The following ZNF804B variants were observed in gnomAD, a reference collection of about 807,000 sequenced individuals.
The protein encoded by ZNF804B is zinc finger protein 804B.
Under a neutral mutation model 101.4 loss-of-function variants are expected in ZNF804B, and 80 were observed. That is an observed-to-expected ratio of 0.79 (90% CI 0.66 to 0.95). The LOEUF is 0.95. Ranked by LOEUF, ZNF804B falls within the 40% of genes least tolerant of loss-of-function variation. The pLI is 0.00. For missense variants in ZNF804B, 1,673 were observed against 1,561.9 expected, an observed-to-expected ratio of 1.07 and a Z score of -1.20; for synonymous variants, 622 against 558.8, an observed-to-expected ratio of 1.11 and a Z score of -1.59.
chr7:88,859,580 T>G (rs913385072), intron 1 of ZNF804B, among the ~76,000 whole-genome samples: 1 of 152,076 alleles, frequency 6.6e-6, no homozygotes, highest in African/African-American at 2.4e-5. Flanking sequence ...CACCATAATT[T>G]ACAGACATAA....
At chr7:89,068,899 T>C (rs1046634043) in intron 1 of ZNF804B, among the ~76,000 whole-genome samples, 5 of 152,120 alleles carry the variant, frequency 3.3e-5, no homozygotes, top group African/African-American at 1.2e-4. Flanking sequence ...TTAGAAACAG[T>C]CTTCAAGGCT....
intron 1 of ZNF804B, among the ~76,000 whole-genome samples, chr7:89,147,678 G>C (rs1387522957): frequency 6.6e-6 from 1 of 151,924 alleles, no homozygotes; most frequent in Non-Finnish European, 1.5e-5. Context: ...ACTCTGCATG[G>C]CTCACATTAC....
intron 1 of ZNF804B, among the ~76,000 whole-genome samples, chr7:89,133,002 C>T (rs1790575763): frequency 6.6e-6 from 1 of 152,020 alleles, no homozygotes; most frequent in African/African-American, 2.4e-5. Flanking sequence ...GGCCTATGCA[C>T]CAGTGTTTTT....
intron 1 of ZNF804B, among the ~76,000 whole-genome samples, chr7:88,877,048 TA>T (rs1333035850): frequency 0.028 from 1,065 of 37,734 alleles, 132 homozygotes; most frequent in Non-Finnish European, 0.038. Context: ...TATATATATA[TA>T]TTTTTTTTTT....
intron 1 of ZNF804B, among the ~76,000 whole-genome samples, chr7:89,208,272 C>T (rs892765390): frequency 2.0e-5 from 3 of 151,952 alleles, no homozygotes; most frequent in African/African-American, 4.8e-5. Flanking sequence ...TTAATAGAGA[C>T]GGTGTTTCAC....
intron 1 of ZNF804B, among the ~76,000 whole-genome samples, chr7:88,971,278 C>A (rs1049514786): frequency 2.6e-5 from 4 of 151,594 alleles, no homozygotes; most frequent in African/African-American, 7.3e-5. Context: ...TTGCTGCATA[C>A]TATATAAGTC....
At chr7:88,952,644 T>G (rs1023147294) in intron 1 of ZNF804B, among the ~76,000 whole-genome samples, 15 of 151,740 alleles carry the variant, frequency 9.9e-5, no homozygotes, top group Non-Finnish European at 5.9e-5. Context: ...TTCTTAATGA[T>G]CAAAATAAAA....
At chr7:89,260,347 C>CT (rs35480671) in intron 2 of ZNF804B, among the ~76,000 whole-genome samples, 20,393 of 149,328 alleles carry the variant, frequency 0.14, 1,510 homozygotes, top group Middle Eastern at 0.27. Context: ...CTTTGTGGCA[C>CT]TTTTTTTTTT....
At chr7:88,889,140 T>C (rs1193883589) in intron 1 of ZNF804B, among the ~76,000 whole-genome samples, 1 of 152,202 alleles carries the variant, frequency 6.6e-6, no homozygotes, top group Non-Finnish European at 1.5e-5. Context: ...TATGACTACA[T>C]AGTATTCTTC....
At chr7:89,280,328 C>CT (rs898473769) in intron 2 of ZNF804B, among the ~76,000 whole-genome samples, 71 of 151,884 alleles carry the variant, frequency 4.7e-4, no homozygotes, top group African/African-American at 1.7e-3. Flanking sequence ...AATTGACACT[C>CT]TAACATCACA....
At chr7:89,117,756 A>G (rs1790332496) in intron 1 of ZNF804B, among the ~76,000 whole-genome samples, 1 of 152,184 alleles carries the variant, frequency 6.6e-6, no homozygotes, top group South Asian at 2.1e-4. Flanking sequence ...AACTATTGAA[A>G]AATAAGTTTT....
chr7:88,981,422 G>T (rs186572821), intron 1 of ZNF804B, among the ~76,000 whole-genome samples: 25 of 152,130 alleles, frequency 1.6e-4, no homozygotes, highest in Middle Eastern at 3.4e-3. Context: ...CAGGTGGAAG[G>T]AAGGAATCTC....
At chr7:88,854,524 T>TCCCTTCCCTTC (rs1554340240) in intron 1 of ZNF804B, among the ~76,000 whole-genome samples, 3 of 66,132 alleles carry the variant, frequency 4.5e-5, no homozygotes, top group South Asian at 1.2e-3. Context: ...TTCCTTTCCT[T>TCCCTTCCCTTC]CCTTTCCTTC....
intron 1 of ZNF804B, among the ~76,000 whole-genome samples, chr7:89,092,583 G>T (rs1229800792): frequency 6.6e-6 from 1 of 151,216 alleles, no homozygotes; most frequent in Non-Finnish European, 1.5e-5. Context: ...CAGCTAATTT[G>T]TGCATTTTTA....
chr7:88,920,245 G>A (rs962256959), intron 1 of ZNF804B, among the ~76,000 whole-genome samples: 2 of 152,006 alleles, frequency 1.3e-5, no homozygotes, highest in African/African-American at 4.8e-5. Flanking sequence ...GTTATTCAAA[G>A]TAAATTAACT....
chr7:88,805,554 T>C lies in ZNF804B; in HGVS notation c.108+45470T>C, dbSNP rs1028490046. 2.1e-4 allele frequency among the ~76,000 whole-genome samples: 32 copies of C among 152,296 alleles called. 1 individual carries two copies. The Middle Eastern group carries it at 0.01, about 49-fold the overall frequency. On this transcript the variant is annotated intron_variant, in intron 1 of 3. Coordinates refer to ENST00000333190, the MANE Select transcript of ZNF804B (RefSeq NM_181646.5). ...TACTAACACTAGCAGTTGTGGACAA[T>C]TGAGAGACTTATGTATCACTGTTTT...
intron 1 of ZNF804B, among the ~76,000 whole-genome samples, chr7:88,920,704 T>C (rs1211956539): frequency 2.0e-5 from 3 of 152,052 alleles, no homozygotes; most frequent in Non-Finnish European, 2.9e-5. Flanking sequence ...TCACTAGATT[T>C]TGATGATTTA....
At chr7:88,776,791 C>G (rs985351189) in intron 1 of ZNF804B, among the ~76,000 whole-genome samples, 5 of 100,124 alleles carry the variant, frequency 5.0e-5, no homozygotes, top group East Asian at 7.0e-4. Flanking sequence ...CCCCCCCCCC[C>G]ACCCTGTTCA....
intron 1 of ZNF804B, among the ~76,000 whole-genome samples, chr7:89,179,859 G>C (rs553034973): frequency 2.6e-5 from 4 of 152,304 alleles, no homozygotes; most frequent in African/African-American, 9.6e-5. Flanking sequence ...ATCTGCATTA[G>C]AGGGTGCCCC....
Sources: gnomAD v4.1 joint callset for allele counts (sites outside exome capture counted in the v4.1 genomes callset) on GRCh38, gnomAD v4.1.1 for gene constraint, MANE v1.5 for transcripts, NCBI Gene and HGNC (gene_info 2026-07-23, HGNC 2026-07-21) for gene names.